The following NUDCD3 variants were observed in gnomAD, a reference collection of about 807,000 sequenced individuals.
NUDCD3 encodes the protein nudC domain-containing protein 3.
In NUDCD3, 13 loss-of-function variants were observed where a neutral mutation model predicts 39.7. That is an observed-to-expected ratio of 0.33 (90% CI 0.21 to 0.52). NUDCD3 has a LOEUF of 0.52. NUDCD3 is among the 20% of genes least tolerant of loss of function. The pLI is 0.96. For synonymous variants in NUDCD3, 175 were observed against 172.4 expected (o/e 1.02, Z -0.12); for missense variants, 453 against 458.1 (o/e 0.99, Z 0.10).
intron 5 of NUDCD3, among the ~76,000 whole-genome samples, chr7:44,388,435 A>T (rs73693184): frequency 6.6e-6 from 1 of 152,364 alleles, no homozygotes; most frequent in Admixed American, 6.5e-5. Flanking sequence ...ATGAGGCCAC[A>T]TGAGGGCACA....
intron 4 of NUDCD3, among the ~76,000 whole-genome samples, chr7:44,393,228 C>T (rs1370038642): frequency 6.6e-6 from 1 of 152,152 alleles, no homozygotes; most frequent in Non-Finnish European, 1.5e-5. Context: ...TCCTTGGGCA[C>T]CTCTGTGGGG....
Position 44,379,278 on chromosome 7 carries a change from ACT to A in NUDCD3, c.*6731_*6732del, listed in dbSNP as rs1048105379. ...GTCCAGTCTGGGCAACACAGGAAAA[ACT>A]CTGTCTCAAAAAAAAAAAAAACTTT... On this transcript the variant is annotated 3_prime_UTR_variant, in exon 6 of 6. Coordinates refer to ENST00000355451, the MANE Select transcript of NUDCD3 (RefSeq NM_015332.4). 6.2e-5 allele frequency: 9 copies of A among 144,784 alleles called. No individual in the cohort carries two copies. The highest frequency in any genetic ancestry group is 2.2e-4 in the South Asian group (1 of 4,572). The allele number at this position is 144,784 out of a possible 1,614,324, so 9.0% of individuals were successfully genotyped here. A position where few individuals can be genotyped will look rare whatever the true frequency, so the allele number is the denominator to read the frequency against.
At chr7:44,457,486 CA>C (rs1284207658) in intron 2 of NUDCD3, among the ~76,000 whole-genome samples, 2 of 152,070 alleles carry the variant, frequency 1.3e-5, no homozygotes, top group Non-Finnish European at 2.9e-5. Flanking sequence ...GATCACTATA[CA>C]AAAATCTATT....
rs1233592095 is a variant in NUDCD3, at chr7:44,456,025, C to CAAA, written c.510-28325_510-28323dup. On this transcript the variant is annotated intron_variant, in intron 2 of 5. Transcript: ENST00000355451. ...TGGGCGACAGAGCGAGACTCCGTCT[C>CAAA]AAAAAAAAAAAAAAAAAAAAAAAAA... is the stretch of plus-strand genomic sequence containing the variant. Among the ~76,000 whole-genome samples, 132 of 28,484 alleles carry CAAA rather than the reference C, an allele frequency of 4.6e-3. 4 individuals carry two copies. Among genetic ancestry groups the CAAA allele is most frequent in the Non-Finnish European group, 5.9e-3 (103 of 17,440 alleles). The allele number at this position is 28,484 out of a possible 152,430, so 18.7% of individuals were successfully genotyped here.
intron 3 of NUDCD3, among the ~76,000 whole-genome samples, chr7:44,411,339 C>T (rs1438799835): frequency 6.6e-6 from 1 of 151,910 alleles, no homozygotes; most frequent in Non-Finnish European, 1.5e-5. Flanking sequence ...AAAGTGAAGA[C>T]AACCCATAAA....
At chr7:44,490,361 G>A (rs1800709685) in intron 1 of NUDCD3, 48 bp downstream of exon 1, 1 of 1,473,434 alleles carries the variant, frequency 6.8e-7, no homozygotes, top group East Asian at 2.5e-5. Flanking sequence ...AGGAGTCAGG[G>A]CAGGCCGGGG....
chr7:44,414,770 A>G (rs558508138), intron 3 of NUDCD3, among the ~76,000 whole-genome samples: 1 of 152,182 alleles, frequency 6.6e-6, no homozygotes, highest in Non-Finnish European at 1.5e-5. Flanking sequence ...GTTTTCCTGC[A>G]TTTTTTCCTA....
At chr7:44,486,522 A>G (rs1028934376) in intron 1 of NUDCD3, among the ~76,000 whole-genome samples, 51 of 143,300 alleles carry the variant, frequency 3.6e-4, no homozygotes, top group African/African-American at 4.3e-4. Flanking sequence ...GGCAGAGGGG[A>G]AAAAAAAAAA....
chr7:44,453,418 A>C (rs1242130425), intron 2 of NUDCD3, among the ~76,000 whole-genome samples: 2 of 152,124 alleles, frequency 1.3e-5, no homozygotes, highest in Non-Finnish European at 2.9e-5. Flanking sequence ...AGAATCCCAT[A>C]GTGGTTTCTT....
At chr7:44,490,059 G>C (rs1420408259) in intron 1 of NUDCD3, 1 of 206,296 alleles carries the variant, frequency 4.8e-6, no homozygotes, top group Non-Finnish European at 9.7e-6. Flanking sequence ...TCTGGGGCAT[G>C]CACGTTTCTG....
chr7:44,429,188 G>C (rs568930335), intron 2 of NUDCD3, among the ~76,000 whole-genome samples: 3 of 152,216 alleles, frequency 2.0e-5, no homozygotes, highest in Admixed American at 2.0e-4. Context: ...CTGGGCAATA[G>C]TGGCTGTTAA....
chr7:44,386,530 C>T (rs1168712822), intron 5 of NUDCD3, among the ~76,000 whole-genome samples: 5 of 152,146 alleles, frequency 3.3e-5, no homozygotes, highest in Admixed American at 6.5e-5. Context: ...AGAGAAGGTG[C>T]GTAGAGAAAG....
chr7:44,412,926 CAA>C (rs767754442), intron 3 of NUDCD3, among the ~76,000 whole-genome samples: 5 of 43,866 alleles, frequency 1.1e-4, no homozygotes, highest in Non-Finnish European at 2.5e-4. Context: ...GACGCCGTCT[CAA>C]AAAAAAAAAA....
In NUDCD3 at chr7:44,385,926, T is replaced by G. The variant is rs955328779; in HGVS notation, c.*85A>C. The G allele has an allele frequency of 1.3e-6, 1 of 751,212 alleles. No homozygotes were observed. Among genetic ancestry groups the G allele is most frequent in the African/African-American group, 1.7e-5 (1 of 57,748 alleles). The allele number at this position is 751,212 out of a possible 1,614,324, so 46.5% of individuals were successfully genotyped here. On this transcript the variant is annotated 3_prime_UTR_variant, in exon 6 of 6. Transcript: ENST00000355451. The stretch of plus-strand genomic sequence containing the variant: ...GCTAGGGGTAAACAAGACGAGCAAG[T>G]CCCTGGAATGCAGGGAGCCAAGAAG...
In NUDCD3 at chr7:44,389,972, A is replaced by G. The variant is rs80249082; in HGVS notation, c.975+2325T>C. On this transcript the variant is annotated intron_variant, in intron 5 of 5. Transcript: ENST00000355451. ...TATTCCTGCTATTTTGTTTTTGAAT[A>G]TAAAGTTCTGTAAGAGATACAATCA... Among the ~76,000 whole-genome samples, 277 of 152,322 alleles carry G rather than the reference A, an allele frequency of 1.8e-3. 8 individuals carry two copies. The East Asian group carries it at 0.049, about 27-fold the overall frequency.
At chr7:44,415,018 C>G (rs915608549) in intron 3 of NUDCD3, among the ~76,000 whole-genome samples, 2 of 152,192 alleles carry the variant, frequency 1.3e-5, no homozygotes, top group Admixed American at 6.5e-5. Context: ...AGGAAGAAGA[C>G]TCAAGGGAAA....
chr7:44,440,112 G>T (rs951363525), intron 2 of NUDCD3, among the ~76,000 whole-genome samples: 1 of 152,218 alleles, frequency 6.6e-6, no homozygotes, highest in African/African-American at 2.4e-5. Flanking sequence ...TACAGAGAGG[G>T]GACAACGGGC....
chr7:44,426,660 G>A (rs1259403288), intron 3 of NUDCD3, among the ~76,000 whole-genome samples: 1 of 151,312 alleles, frequency 6.6e-6, no homozygotes, highest in Non-Finnish European at 1.5e-5. Flanking sequence ...GCCGGGCGTA[G>A]TGGCGGGCGC....
intron 3 of NUDCD3, among the ~76,000 whole-genome samples, chr7:44,417,250 G>A (rs1397452241): frequency 6.6e-6 from 1 of 152,178 alleles, no homozygotes; most frequent in East Asian, 1.9e-4. Context: ...CATGATAAGT[G>A]CATTTGAGAG....
Sources: allele counts gnomAD v4.1 joint callset (sites outside exome capture counted in the v4.1 genomes callset), GRCh38; gene constraint gnomAD v4.1.1; transcripts MANE v1.5; gene names NCBI Gene and HGNC (gene_info 2026-07-23, HGNC 2026-07-21).